PCDHA3: variants seen among roughly 807,000 people sequenced by gnomAD.
The protein encoded by PCDHA3 is protocadherin alpha-3.
Under a neutral mutation model 62.2 loss-of-function variants are expected in PCDHA3, and 41 were observed. That is an observed-to-expected ratio of 0.66 (90% CI 0.51 to 0.86). PCDHA3 has a LOEUF of 0.86. PCDHA3 is among the 40% of genes least tolerant of loss of function. The probability of loss-of-function intolerance (pLI) is 0.00; values close to 1 mark genes in which losing one functional copy is unlikely to be tolerated. For synonymous variants in PCDHA3, 640 were observed against 555.4 expected, an observed-to-expected ratio of 1.15 and a Z score of -2.14; for missense variants, 1,304 against 1,241.2, an observed-to-expected ratio of 1.05 and a Z score of -0.76.
intron 1 of PCDHA3, among the ~76,000 whole-genome samples, chr5:140,924,911 TA>T (rs1563069164): frequency 3.0e-4 from 18 of 59,772 alleles, no homozygotes; most frequent in Middle Eastern, 7.5e-3. Flanking sequence ...AAAAATAAAA[TA>T]AAATAAAATA....
intron 1 of PCDHA3, chr5:140,882,849 T>A: frequency 1.2e-6 from 2 of 1,614,242 alleles, no homozygotes; most frequent in Non-Finnish European, 1.7e-6. Flanking sequence ...TCATTATCAC[T>A]TGTACTGAGG....
intron 1 of PCDHA3, among the ~76,000 whole-genome samples, chr5:140,831,726 T>G (rs1554133357): frequency 6.6e-6 from 1 of 152,106 alleles, no homozygotes. Context: ...TTTGGTGTTA[T>G]CCTCCCTTGC....
intron 1 of PCDHA3, chr5:140,824,194 C>T (rs1389599382): frequency 3.7e-6 from 6 of 1,601,264 alleles, no homozygotes; most frequent in Non-Finnish European, 5.1e-6. Context: ...TCACATTCAC[C>T]CACTTTTTTT....
chr5:140,990,694 C>T (rs549554926), intron 3 of PCDHA3, among the ~76,000 whole-genome samples: 10 of 152,108 alleles, frequency 6.6e-5, no homozygotes, highest in Non-Finnish European at 1.5e-4. Context: ...TCGGAGAGTC[C>T]AGATTTATGG....
chr5:140,877,406 A>G (rs1554169685), intron 1 of PCDHA3: 2 of 1,613,868 alleles, frequency 1.2e-6, no homozygotes, highest in East Asian at 2.2e-5. Flanking sequence ...GCTCCGCGCC[A>G]CCGCCTGCTG....
At chr5:140,841,325 G>T in intron 1 of PCDHA3, 1 of 1,608,154 alleles carries the variant, frequency 6.2e-7, no homozygotes, top group Non-Finnish European at 8.5e-7. Flanking sequence ...ATTTAACATG[G>T]ATTATCACTG....
At chr5:140,909,709 A>G (rs2153511702) in intron 1 of PCDHA3, among the ~76,000 whole-genome samples, 1 of 152,294 alleles carries the variant, frequency 6.6e-6, no homozygotes, top group Non-Finnish European at 1.5e-5. Context: ...GCTGCTAAGT[A>G]TACCTATGCC....
intron 1 of PCDHA3, among the ~76,000 whole-genome samples, chr5:140,838,236 C>G (rs2150286202): frequency 6.6e-6 from 1 of 150,998 alleles, no homozygotes; most frequent in East Asian, 1.9e-4. Context: ...GCCTCAGTCT[C>G]CCAAGTAGCT....
At chr5:140,989,105 T>A (rs550881823) in intron 3 of PCDHA3, 1 of 152,350 alleles carries the variant, frequency 6.6e-6, no homozygotes, top group Non-Finnish European at 1.5e-5. Context: ...GAAACAACTT[T>A]TGAATATATC....
chr5:140,821,517 CA>C, intron 1 of PCDHA3: 1 of 397,696 alleles, frequency 2.5e-6, no homozygotes, highest in Admixed American at 4.1e-5. Context: ...CTAAATAAAG[CA>C]AAACAAAATA....
intron 3 of PCDHA3, among the ~76,000 whole-genome samples, chr5:140,993,515 G>T (rs1351377291): frequency 6.7e-6 from 1 of 149,364 alleles, no homozygotes; most frequent in East Asian, 1.9e-4. Context: ...CACACGGGGA[G>T]AGAGAGACAG....
In PCDHA3 at chr5:140,823,096, T is replaced by C. The variant is rs1554129134; in HGVS notation, c.2394+19505T>C. On this transcript the variant is annotated intron_variant, in intron 1 of 3. Transcript: ENST00000522353. Reference sequence around the variant, plus strand: ...TTCGCTGTGGGCCACCGCCAGCGTGTCTGTGGAAGTGGCCGACGTGAACGA... The same window carrying C: ...TTCGCTGTGGGCCACCGCCAGCGTGCCTGTGGAAGTGGCCGACGTGAACGA... The C allele has an allele frequency of 1.9e-6, 3 of 1,613,924 alleles. No individual in the cohort carries two copies. The East Asian group carries it at 6.7e-5, about 36-fold the overall frequency.
rs2150477798 is a variant in PCDHA3 at position 140,850,289 on chromosome 5, C to T, written c.2394+46698C>T. On this transcript the variant is annotated intron_variant, in intron 1 of 3. Coordinates refer to ENST00000522353, the MANE Select transcript of PCDHA3 (RefSeq NM_018906.3). ...TGGTGGGGAAGGTGCGCGCAGTGGA[C>T]GCCGACTCGGGCTACAACGCGTGGC... 1.9e-6 allele frequency: 3 copies of T among 1,595,826 alleles called. No homozygotes were observed. In the East Asian group the frequency reaches 6.7e-5, roughly 36 times the overall value.
chr5:140,834,168 A>G, intron 1 of PCDHA3: 1 of 548,726 alleles, frequency 1.8e-6, no homozygotes, highest in Non-Finnish European at 3.2e-6. Flanking sequence ...ATTCTTACTT[A>G]CATGATGGCC....
At chr5:140,853,405 G>A (rs2042737613) in intron 1 of PCDHA3, 1 of 986,340 alleles carries the variant, frequency 1.0e-6, no homozygotes, top group Non-Finnish European at 1.2e-6. Flanking sequence ...GTTCAAAACA[G>A]AGAGGTGAAA....
At chr5:140,998,405 G>C (rs144117915) in intron 3 of PCDHA3, among the ~76,000 whole-genome samples, 226 of 152,208 alleles carry the variant, frequency 1.5e-3, no homozygotes, top group African/African-American at 5.2e-3. Flanking sequence ...TTATGCCAAA[G>C]TTTATCTACC....
At chr5:140,876,328 C>A in intron 1 of PCDHA3, 1 of 1,613,940 alleles carries the variant, frequency 6.2e-7, no homozygotes, top group Non-Finnish European at 8.5e-7. Flanking sequence ...AATGATTTTG[C>A]CAGTGAGTGA....
intron 1 of PCDHA3, chr5:140,967,773 A>C (rs1285230643): frequency 1.9e-6 from 3 of 1,614,108 alleles, no homozygotes; most frequent in Non-Finnish European, 1.7e-6. Context: ...ATCTATGTGC[A>C]GGCGACTGAC....
At chr5:140,954,237 A>G (rs1442141242) in intron 1 of PCDHA3, among the ~76,000 whole-genome samples, 14 of 152,338 alleles carry the variant, frequency 9.2e-5, no homozygotes, top group Middle Eastern at 3.4e-3. Flanking sequence ...TAGTGCTGCA[A>G]TGAACATACA....
Sources: gnomAD v4.1 joint callset for allele counts (sites outside exome capture counted in the v4.1 genomes callset) on GRCh38, gnomAD v4.1.1 for gene constraint, MANE v1.5 for transcripts, NCBI Gene and HGNC (gene_info 2026-07-23, HGNC 2026-07-21) for gene names.